Variants in CRPPA observed in about 807,000 individuals in gnomAD.
CRPPA encodes the protein CDP-L-ribitol pyrophosphorylase A.
In CRPPA, 43 loss-of-function variants were observed where a neutral mutation model predicts 52.0. The ratio of observed to expected loss-of-function variants is 0.83; its 90% CI spans 0.65 to 1.07. CRPPA has a LOEUF of 1.07. CRPPA is among the 50% of genes least tolerant of loss of function. The pLI, the probability that CRPPA is intolerant of heterozygous loss-of-function variation, is 0.00. For missense variants in CRPPA, 629 were observed against 551.7 expected (o/e 1.14, Z -1.40); for synonymous variants, 250 against 203.5 (o/e 1.23, Z -1.94).
At chr7:16,152,628 CTG>C (rs1783099780) in intron 9 of CRPPA, among the ~76,000 whole-genome samples, 2 of 152,048 alleles carry the variant, frequency 1.3e-5, no homozygotes, top group South Asian at 4.1e-4. Flanking sequence ...ACTTTAATCG[CTG>C]TTTTTCTTTT....
At chr7:16,289,602 T>G (rs188236922) in intron 5 of CRPPA, among the ~76,000 whole-genome samples, 54 of 152,204 alleles carry the variant, frequency 3.5e-4, no homozygotes, top group African/African-American at 1.2e-3. Context: ...TTAATAGACA[T>G]AGAAAAAGCA....
chr7:16,317,781 A>T (rs545236476), intron 3 of CRPPA, among the ~76,000 whole-genome samples: 1 of 152,122 alleles, frequency 6.6e-6, no homozygotes, highest in East Asian at 1.9e-4. Flanking sequence ...TTGCTAAATT[A>T]TATGTGAGTT....
At position 16,308,406 on chromosome 7, in the gene CRPPA, A is replaced by T. The variant is rs80100789; in HGVS notation, c.789+117T>A. The T allele has an allele frequency of 0.011, 6,876 of 637,274 alleles. 338 individuals are homozygous for T. The African/African-American group carries it at 0.11, about 10-fold the overall frequency. 39.5% of individuals were successfully genotyped at this position (637,274 alleles called of 1,614,324 possible). On this transcript the variant is annotated intron_variant, in intron 4 of 9. Coordinates refer to ENST00000407010, the MANE Select transcript of CRPPA (RefSeq NM_001101426.4). The stretch of plus-strand genomic sequence containing the variant: ...AAGGGATACTACACATTGATGGTTC[A>T]GTAAACCCGTGAGACTCCCTTAACT...
intron 8 of CRPPA, among the ~76,000 whole-genome samples, chr7:16,250,383 C>T (rs764904215): frequency 1.3e-5 from 2 of 152,024 alleles, no homozygotes; most frequent in African/African-American, 4.8e-5. Flanking sequence ...CCACCACAAA[C>T]GTATTCCTCG....
chr7:16,175,228 T>C (rs1306277248), intron 9 of CRPPA, among the ~76,000 whole-genome samples: 5 of 152,162 alleles, frequency 3.3e-5, no homozygotes, highest in African/African-American at 1.2e-4. Flanking sequence ...GCTTTAAACA[T>C]AATATAAACC....
At chr7:16,296,745 C>T (rs1199888869) in intron 5 of CRPPA, among the ~76,000 whole-genome samples, 1 of 152,092 alleles carries the variant, frequency 6.6e-6, no homozygotes, top group Non-Finnish European at 1.5e-5. Context: ...CATTTTAAAA[C>T]AATTATTTTG....
intron 3 of CRPPA, among the ~76,000 whole-genome samples, chr7:16,348,935 C>A (rs1389747155): frequency 6.6e-6 from 1 of 152,162 alleles, no homozygotes; most frequent in Non-Finnish European, 1.5e-5. Context: ...CTTTGTATTC[C>A]TGAATAGTCC....
intron 2 of CRPPA, among the ~76,000 whole-genome samples, chr7:16,385,038 T>C (rs1001513108): frequency 1.3e-5 from 2 of 152,108 alleles, no homozygotes; most frequent in Admixed American, 6.6e-5. Flanking sequence ...AATGAACATT[T>C]ATAAAGGAGC....
At chr7:16,314,752 T>C (rs1442373618) in intron 3 of CRPPA, among the ~76,000 whole-genome samples, 1 of 152,174 alleles carries the variant, frequency 6.6e-6, no homozygotes, top group East Asian at 1.9e-4. Flanking sequence ...CCTGCATGGC[T>C]ACTGAAGAGA....
chr7:16,137,965 T>A (rs902499171), intron 9 of CRPPA, among the ~76,000 whole-genome samples: 1 of 152,192 alleles, frequency 6.6e-6, no homozygotes, highest in Non-Finnish European at 1.5e-5. Flanking sequence ...CATTAAAACC[T>A]AAGAAAATGT....
At chr7:16,144,530 G>A (rs1782935000) in intron 9 of CRPPA, among the ~76,000 whole-genome samples, 1 of 152,212 alleles carries the variant, frequency 6.6e-6, no homozygotes, top group Admixed American at 6.5e-5. Context: ...GAAGGCAGCT[G>A]TTCTTACCCT....
chr7:16,110,552 T>C (rs1049274443), intron 9 of CRPPA, among the ~76,000 whole-genome samples: 2 of 151,984 alleles, frequency 1.3e-5, no homozygotes, highest in African/African-American at 4.8e-5. Context: ...CAAAACAGCA[T>C]GGTACTGGTT....
intron 2 of CRPPA, among the ~76,000 whole-genome samples, chr7:16,399,036 G>C (rs1385329535): frequency 6.6e-6 from 1 of 152,180 alleles, no homozygotes; most frequent in African/African-American, 2.4e-5. Flanking sequence ...AACACGTTTA[G>C]GACAGGTGAC....
intron 9 of CRPPA, among the ~76,000 whole-genome samples, chr7:16,133,636 T>C (rs1782715703): frequency 8.1e-6 from 1 of 124,092 alleles, no homozygotes; most frequent in African/African-American, 2.6e-5. Flanking sequence ...TTAGGTATTT[T>C]TCATCATGTT....
intron 8 of CRPPA, among the ~76,000 whole-genome samples, chr7:16,244,398 T>A (rs1268490617): frequency 6.6e-6 from 1 of 152,232 alleles, no homozygotes; most frequent in East Asian, 1.9e-4. Context: ...CACTCACTGC[T>A]TAACTTCTTC....
chr7:16,406,101 C>T lies in CRPPA; in HGVS notation c.494G>A (p.Gly165Asp). Residue 165 changes from glycine to aspartate, a missense_variant, in exon 2 of 10, where the codon GGT (glycine) becomes GAT (aspartate). Coordinates refer to ENST00000407010, the MANE Select transcript of CRPPA (RefSeq NM_001101426.4). ...AGCTGTGACAACTTTAAGAAGGACA[C>T]CTTCCTCAACAAATGGTCTCACAGC... The part of the protein sequence containing the change: ...HDAVRPFVEE[G>D]VLLKVVTAAK... 2 of 1,613,842 alleles carry T rather than the reference C, an allele frequency of 1.2e-6. No homozygotes were observed. The highest frequency in any genetic ancestry group is 1.7e-6 in the Non-Finnish European group (2 of 1,179,836).
Position 16,087,593 on chromosome 7 carries a change from T to C in CRPPA, c.*4102A>G, listed in dbSNP as rs1410019511. 1 of 151,948 alleles carries C rather than the reference T, an allele frequency of 6.6e-6. No homozygotes were observed. Among genetic ancestry groups the C allele is most frequent in the African/African-American group, 2.4e-5 (1 of 41,428 alleles). 9.4% of individuals were successfully genotyped at this position (151,948 alleles called of 1,614,324 possible). ...AACAACATATTTAGAATCTTTATAG[T>C]ACTTTTCAATGTCACCTTAAAAATA... On this transcript the variant is annotated 3_prime_UTR_variant, in exon 10 of 10. Coordinates refer to ENST00000407010, the MANE Select transcript of CRPPA (RefSeq NM_001101426.4).
intron 6 of CRPPA, chr7:16,276,800 C>T (rs929770789): frequency 1.3e-5 from 2 of 152,094 alleles, no homozygotes; most frequent in Non-Finnish European, 2.9e-5. Context: ...AGAATATATA[C>T]AGTAAGAAAG....
At chr7:16,283,714 C>T (rs1784366823) in intron 5 of CRPPA, among the ~76,000 whole-genome samples, 1 of 151,690 alleles carries the variant, frequency 6.6e-6, no homozygotes, top group South Asian at 2.1e-4. Flanking sequence ...TGCATTCAGT[C>T]GCCCATTGCA....
Sources: gnomAD v4.1 joint callset for allele counts (sites outside exome capture counted in the v4.1 genomes callset) on GRCh38, gnomAD v4.1.1 for gene constraint, MANE v1.5 for transcripts, NCBI Gene and HGNC (gene_info 2026-07-23, HGNC 2026-07-21) for gene names.